The following CADM2 variants were observed in gnomAD, a reference collection of about 807,000 sequenced individuals.
CADM2 encodes immunoglobulin superfamily member 4D.
CADM2 carries 12 observed loss-of-function variants against 49.8 expected under a neutral mutation model. The ratio of observed to expected loss-of-function variants is 0.24; its 90% CI spans 0.15 to 0.39. The LOEUF (loss-of-function observed/expected upper bound fraction) is 0.39, where lower values mean the gene tolerates loss of function less well. Among genes scored for constraint, CADM2 ranks in the 10% least tolerant of loss-of-function variants. CADM2 has a pLI of 1.00. For missense variants in CADM2, 378 were observed against 492.3 expected (o/e 0.77, Z 2.20); for synonymous variants, 214 against 175.4 (o/e 1.22, Z -1.74).
chr3:85,305,860 A>G (rs1009959734), intron 1 of CADM2, among the ~76,000 whole-genome samples: 4 of 151,662 alleles, frequency 2.6e-5, no homozygotes, highest in Non-Finnish European at 5.9e-5. Context: ...ACATAAATAC[A>G]TACGGAGCTT....
At chr3:85,382,016 A>G (rs1004235923) in intron 1 of CADM2, among the ~76,000 whole-genome samples, 33 of 152,184 alleles carry the variant, frequency 2.2e-4, no homozygotes, top group African/African-American at 7.5e-4. Context: ...AATTGGTGCT[A>G]AAAAGTTAGG....
chr3:85,893,549 G>T (rs570992207), intron 5 of CADM2, among the ~76,000 whole-genome samples: 1 of 152,248 alleles, frequency 6.6e-6, no homozygotes, highest in African/African-American at 2.4e-5. Context: ...TACCATCAGA[G>T]TGAACAGGCA....
chr3:85,874,747 C>G (rs1343594830), intron 3 of CADM2, among the ~76,000 whole-genome samples: 1 of 151,886 alleles, frequency 6.6e-6, no homozygotes, highest in Non-Finnish European at 1.5e-5. Flanking sequence ...GTGACAAACA[C>G]CTAGGGAAAT....
Position 85,376,485 on chromosome 3 carries a change from C to G in CADM2, c.62-350037C>G, listed in dbSNP as rs1051683269. 1.3e-5 allele frequency among the ~76,000 whole-genome samples: 2 copies of G among 151,902 alleles called. 1 individual carries two copies. Among genetic ancestry groups the G allele is most frequent in the South Asian group, 4.1e-4 (2 of 4,824 alleles). ...GAATGTAATATAAAAAAGAAAAGCT[C>G]TTAAAACTAAGCCATTGAAACTAAT... On this transcript the variant is annotated intron_variant, in intron 1 of 9. Transcript: ENST00000383699.
At chr3:86,015,824 T>G (rs1431886041) in intron 8 of CADM2, among the ~76,000 whole-genome samples, 1 of 152,226 alleles carries the variant, frequency 6.6e-6, no homozygotes, top group African/African-American at 2.4e-5. Flanking sequence ...CCATGGGTAC[T>G]GACAACTGAC....
In CADM2 at chr3:85,107,068, G is replaced by C. The variant is rs977314190; in HGVS notation, c.61+147400G>C. 4.6e-5 allele frequency among the ~76,000 whole-genome samples: 7 copies of C among 152,092 alleles called. No individual in the cohort carries two copies. In the East Asian group the frequency reaches 1.3e-3, roughly 29 times the overall value. On this transcript the variant is annotated intron_variant, in intron 1 of 9. Transcript: ENST00000383699. ...TAAGATAACAACTGATTGTCACAAG[G>C]AAGATACAGTGTCATACACCATCTA...
At chr3:85,875,753 G>T (rs1451433250) in intron 3 of CADM2, among the ~76,000 whole-genome samples, 1 of 152,176 alleles carries the variant, frequency 6.6e-6, no homozygotes, top group Non-Finnish European at 1.5e-5. Context: ...TGGACAATGT[G>T]CAGAGAGCAA....
chr3:85,073,633 G>C (rs1216595373), intron 1 of CADM2, among the ~76,000 whole-genome samples: 2 of 152,058 alleles, frequency 1.3e-5, no homozygotes, highest in African/African-American at 2.4e-5. Context: ...ATATTTTCTA[G>C]TAGTCACATT....
intron 8 of CADM2, among the ~76,000 whole-genome samples, chr3:86,030,025 C>G (rs1734370314): frequency 6.6e-6 from 1 of 151,640 alleles, no homozygotes; most frequent in South Asian, 2.1e-4. Context: ...TCAAGTAAGG[C>G]AGAAATGTGT....
intron 1 of CADM2, among the ~76,000 whole-genome samples, chr3:85,548,546 TC>T (rs1404686440): frequency 1.0e-5 from 1 of 99,624 alleles, no homozygotes; most frequent in African/African-American, 2.6e-5. Context: ...TATTAAATAA[TC>T]AGAATAATAA....
intron 8 of CADM2, among the ~76,000 whole-genome samples, chr3:86,049,772 A>G (rs1349377484): frequency 6.6e-6 from 1 of 152,132 alleles, no homozygotes; most frequent in East Asian, 1.9e-4. Context: ...GAACTCACTC[A>G]CTATCAAGAG....
At chr3:85,846,013 A>T (rs1305208222) in intron 3 of CADM2, among the ~76,000 whole-genome samples, 1 of 152,166 alleles carries the variant, frequency 6.6e-6, no homozygotes, top group South Asian at 2.1e-4. Context: ...ATATTCCAGG[A>T]CAGAGGAGGA....
At chr3:85,087,206 G>C (rs571074461) in intron 1 of CADM2, among the ~76,000 whole-genome samples, 2 of 152,250 alleles carry the variant, frequency 1.3e-5, no homozygotes, top group African/African-American at 4.8e-5. Context: ...AGGTCAGTGA[G>C]TAGTTTACTG....
intron 1 of CADM2, among the ~76,000 whole-genome samples, chr3:85,470,918 A>C (rs2107608750): frequency 6.6e-6 from 1 of 152,268 alleles, no homozygotes; most frequent in Non-Finnish European, 1.5e-5. Context: ...GGAAAAATAT[A>C]TTTTGTTTTG....
chr3:85,534,253 G>A (rs10511075), intron 1 of CADM2, among the ~76,000 whole-genome samples: 77,961 of 152,016 alleles, frequency 0.51, 23,071 homozygotes, highest in East Asian at 0.85. Context: ...GCTGTCATAT[G>A]AAACCATCTA....
At chr3:85,387,436 C>T (rs1038064073) in intron 1 of CADM2, among the ~76,000 whole-genome samples, 1 of 151,990 alleles carries the variant, frequency 6.6e-6, no homozygotes, top group African/African-American at 2.4e-5. Context: ...GAGTTGCATG[C>T]CTTTTATTTA....
At chr3:85,824,538 T>C (rs772491951) in intron 3 of CADM2, among the ~76,000 whole-genome samples, 137 of 152,230 alleles carry the variant, frequency 9.0e-4, no homozygotes, top group Non-Finnish European at 1.7e-3. Context: ...TCTGAGGAAT[T>C]AAAGCTACTT....
Position 85,512,849 on chromosome 3 carries a change from C to A in CADM2, c.62-213673C>A, listed in dbSNP as rs989712589. Among the ~76,000 whole-genome samples, 3 of 151,990 alleles carry A rather than the reference C, an allele frequency of 2.0e-5. No individual in the cohort carries two copies. In the East Asian group the frequency reaches 5.8e-4, roughly 29 times the overall value. On this transcript the variant is annotated intron_variant, in intron 1 of 9. Coordinates refer to ENST00000383699, the MANE Select transcript of CADM2 (RefSeq NM_001167675.2). ...TTAAAAACATATAAGGAATAAACTT[C>A]TCTGTAAAAAATGAATCAATCATTT...
rs545240701 is a variant in CADM2 at position 85,560,392 on chromosome 3, T to C, written c.62-166130T>C. Among the ~76,000 whole-genome samples, 14 of 152,278 alleles carry C rather than the reference T, an allele frequency of 9.2e-5. No individual in the cohort carries two copies. The East Asian group carries it at 2.7e-3, about 29-fold the overall frequency. On this transcript the variant is annotated intron_variant, in intron 1 of 9. Transcript: ENST00000383699. ...ATTGCCAAGGAATAAGCTGAAGTAC[T>C]AGATGTTGCTTTTAAAACATAGAGG...
Sources: gnomAD v4.1 joint callset for allele counts (sites outside exome capture counted in the v4.1 genomes callset) on GRCh38, gnomAD v4.1.1 for gene constraint, MANE v1.5 for transcripts, NCBI Gene and HGNC (gene_info 2026-07-23, HGNC 2026-07-21) for gene names.